Variants in TP53BP2 observed in about 807,000 individuals in gnomAD.
TP53BP2 encodes the protein apoptosis-stimulating of p53 protein 2.
A neutral mutation model predicts 126.2 loss-of-function variants in TP53BP2; 62 were observed. That is an observed-to-expected ratio of 0.49 (90% CI 0.40 to 0.61). TP53BP2 has a LOEUF of 0.61. Among genes scored for constraint, TP53BP2 ranks in the 20% least tolerant of loss-of-function variants. The probability of loss-of-function intolerance (pLI) is 0.00; values close to 1 mark genes in which losing one functional copy is unlikely to be tolerated. For synonymous variants in TP53BP2, 485 were observed against 502.9 expected, an observed-to-expected ratio of 0.96 and a Z score of 0.48; for missense variants, 1,215 against 1,402.8, an observed-to-expected ratio of 0.87 and a Z score of 2.14.
chr1:223,838,911 G>A (rs570231970), intron 1 of TP53BP2, among the ~76,000 whole-genome samples: 81 of 151,864 alleles, frequency 5.3e-4, no homozygotes, highest in African/African-American at 1.9e-3. Flanking sequence ...TGCCCAGGGG[G>A]AGGTAACCAC....
chr1:223,834,948 G>T, intron 1 of TP53BP2: 2 of 846,114 alleles, frequency 2.4e-6, no homozygotes, highest in African/African-American at 1.8e-5. Context: ...CACATGTTTT[G>T]GTTCTTAAAT....
chr1:223,843,502 T>G (rs1044051806), intron 1 of TP53BP2, among the ~76,000 whole-genome samples: 1 of 152,342 alleles, frequency 6.6e-6, no homozygotes, highest in South Asian at 2.1e-4. Context: ...GCAGTCTAAA[T>G]AGTAAACCAT....
In TP53BP2 at chr1:223,803,463, C is replaced by G; in HGVS notation, c.650-11G>C. ...GTTCAATTTCCTCCACTAGATGAGACAGAGAACAGCAACAACAGTTGAAAA... is the reference window on the plus strand; with the variant it reads ...GTTCAATTTCCTCCACTAGATGAGAGAGAGAACAGCAACAACAGTTGAAAA... On this transcript the variant is annotated splice_polypyrimidine_tract_variant and intron_variant, in intron 6 of 17. Transcript: ENST00000343537. 6.3e-7 allele frequency: 1 copy of G among 1,592,214 alleles called. No homozygotes were observed. Among genetic ancestry groups the G allele is most frequent in the Non-Finnish European group, 8.6e-7 (1 of 1,167,758 alleles).
chr1:223,824,695 G>C (rs1161959527), intron 1 of TP53BP2, among the ~76,000 whole-genome samples: 1 of 151,912 alleles, frequency 6.6e-6, no homozygotes, highest in Non-Finnish European at 1.5e-5. Flanking sequence ...AGTTCCCTAA[G>C]AGCTACTATT....
rs545011199 is a variant in TP53BP2, at chr1:223,813,861, C to G, written c.289+379G>C. 3.3e-5 allele frequency among the ~76,000 whole-genome samples: 5 copies of G among 152,284 alleles called. No individual in the cohort carries two copies. In the South Asian group the frequency reaches 1.0e-3, roughly 32 times the overall value. On this transcript the variant is annotated intron_variant, in intron 3 of 17. Transcript: ENST00000343537. ...AAATGTTTTTAGATGAGAAATCCCT[C>G]AACTTACTCCCACAAAATGCACAAA...
At chr1:223,827,842 C>T (rs1663553780) in intron 1 of TP53BP2, among the ~76,000 whole-genome samples, 1 of 151,892 alleles carries the variant, frequency 6.6e-6, no homozygotes, top group Non-Finnish European at 1.5e-5. Context: ...TTTCACTAAC[C>T]TATCATGTTA....
At position 223,791,545 on chromosome 1, in the gene TP53BP2, G is replaced by A. The variant is rs567012803; in HGVS notation, c.2996+844C>T. Among the ~76,000 whole-genome samples the A allele has an allele frequency of 7.2e-5, 11 of 152,244 alleles. No homozygotes were observed. In the South Asian group the frequency reaches 1.5e-3, roughly 20 times the overall value. ...ACAATAAATGAGTACACAGTCACGCGGTAGAGTAATACGAGGCTAACTGAA... is the reference window on the plus strand; with the variant it reads ...ACAATAAATGAGTACACAGTCACGCAGTAGAGTAATACGAGGCTAACTGAA... On this transcript the variant is annotated intron_variant, in intron 15 of 17. Coordinates refer to ENST00000343537, the MANE Select transcript of TP53BP2 (RefSeq NM_001031685.3).
chr1:223,791,183 T>G (rs568137786), intron 15 of TP53BP2, among the ~76,000 whole-genome samples: 2 of 152,026 alleles, frequency 1.3e-5, no homozygotes, highest in African/African-American at 4.8e-5. Context: ...ACCCACCACT[T>G]TGAAAGGCTC....
At chr1:223,805,802 G>C (rs1390918314) in intron 5 of TP53BP2, among the ~76,000 whole-genome samples, 1 of 152,190 alleles carries the variant, frequency 6.6e-6, no homozygotes, top group Non-Finnish European at 1.5e-5. Context: ...TCTTGTTTTT[G>C]TAAGTAAAGT....
At chr1:223,821,638 A>T (rs1343291158) in intron 1 of TP53BP2, among the ~76,000 whole-genome samples, 4 of 152,168 alleles carry the variant, frequency 2.6e-5, no homozygotes, top group African/African-American at 9.7e-5. Context: ...TGCCAGTTTT[A>T]TTCATGTTGT....
At chr1:223,787,815 C>T (rs1662021826) in intron 16 of TP53BP2, among the ~76,000 whole-genome samples, 1 of 151,290 alleles carries the variant, frequency 6.6e-6, no homozygotes, top group Admixed American at 6.7e-5. Flanking sequence ...GCAGTCAAGG[C>T]TGCAGTGAGC....
intron 15 of TP53BP2, among the ~76,000 whole-genome samples, chr1:223,790,453 G>A (rs889505705): frequency 6.6e-6 from 1 of 151,912 alleles, no homozygotes; most frequent in Non-Finnish European, 1.5e-5. Flanking sequence ...AGCTACTTGG[G>A]AGGCTGAGAC....
chr1:223,838,990 G>C lies in TP53BP2; in HGVS notation c.27+6664C>G, dbSNP rs12034120. Among the ~76,000 whole-genome samples, 695 of 151,500 alleles carry C rather than the reference G, an allele frequency of 4.6e-3. 27 individuals carry two copies. In the East Asian group the frequency reaches 0.1, roughly 23 times the overall value. ...TTCTCATCAGTATGGATTTAAATAA[G>C]GGACGATGTCTCCATTTTTTTCTTT... is the stretch of plus-strand genomic sequence containing the variant. On this transcript the variant is annotated intron_variant, in intron 1 of 17. Coordinates refer to ENST00000343537, the MANE Select transcript of TP53BP2 (RefSeq NM_001031685.3).
chr1:223,791,916 G>A (rs1238523483), intron 15 of TP53BP2, among the ~76,000 whole-genome samples: 1 of 152,050 alleles, frequency 6.6e-6, no homozygotes, highest in Admixed American at 6.5e-5. Context: ...ATCACTTGCA[G>A]TACCGCTTGC....
At chr1:223,818,016 G>C (rs73127450) in intron 2 of TP53BP2, among the ~76,000 whole-genome samples, 5,875 of 151,846 alleles carry the variant, frequency 0.039, 370 homozygotes, top group African/African-American at 0.13. Flanking sequence ...TAGTAAACTG[G>C]AGAACACTGA....
At chr1:223,827,007 A>T (rs909527377) in intron 1 of TP53BP2, among the ~76,000 whole-genome samples, 6 of 152,188 alleles carry the variant, frequency 3.9e-5, no homozygotes, top group African/African-American at 1.4e-4. Flanking sequence ...CCTAAGCACT[A>T]GGTACAAAGT....
Position 223,780,729 on chromosome 1 carries a change from C to T in TP53BP2, c.*124G>A, listed in dbSNP as rs1661740969. On this transcript the variant is annotated 3_prime_UTR_variant, in exon 18 of 18. Coordinates refer to ENST00000343537, the MANE Select transcript of TP53BP2 (RefSeq NM_001031685.3). The stretch of plus-strand genomic sequence containing the variant: ...TCCTTCATTCTCTTCTAGAGACATT[C>T]TTCATCGCTTTCAAGCTACATTGTC... 1.1e-6 allele frequency: 1 copy of T among 873,994 alleles called. No homozygotes were observed. The highest frequency in any genetic ancestry group is 1.7e-5 in the South Asian group (1 of 59,726). The allele number at this position is 873,994 out of a possible 1,614,324, so 54.1% of individuals were successfully genotyped here.
Position 223,792,388 on chromosome 1 carries a change from C to T in TP53BP2, c.2996+1G>A, listed in dbSNP as rs767241049. 2 of 1,604,646 alleles carry T rather than the reference C, an allele frequency of 1.2e-6. No individual in the cohort carries two copies. The highest frequency in any genetic ancestry group is 3.3e-4 in the Middle Eastern group (2 of 6,050). The stretch of plus-strand genomic sequence containing the variant: ...GACTGGAGTTTAAAAGAAAATCTTA[C>T]CATCCATCACTATCAGCAGCATTTA... On this transcript the variant is annotated splice_donor_variant, in intron 15 of 17. Coordinates refer to ENST00000343537, the MANE Select transcript of TP53BP2 (RefSeq NM_001031685.3). LOFTEE classifies it high-confidence loss of function.
intron 11 of TP53BP2, 54 bp from the exon 12 acceptor site, chr1:223,798,731 G>A (rs1662425348): frequency 7.3e-7 from 1 of 1,365,704 alleles, no homozygotes; most frequent in African/African-American, 1.5e-5. Flanking sequence ...GGGTACACAG[G>A]ATGTTCTAGA....
Sources: gnomAD v4.1 joint callset for allele counts (sites outside exome capture counted in the v4.1 genomes callset) on GRCh38, gnomAD v4.1.1 for gene constraint, MANE v1.5 for transcripts, NCBI Gene and HGNC (gene_info 2026-07-23, HGNC 2026-07-21) for gene names.